Variants in CDKN2B-AS1 observed in about 807,000 individuals in gnomAD.
CDKN2B-AS1 encodes the protein CDKN2B antisense RNA 1 (non-protein coding).
chr9:22,094,846 T>C lies in CDKN2B-AS1; in HGVS notation n.439-32257T>C, dbSNP rs1038573274. ...TCATTCTCCATCCAGCTTTGTTCCA[T>C]TGCTGGTGAGGAGCTGCATTCCTTT... is the stretch of plus-strand genomic sequence containing the variant. On this transcript the variant is annotated intron_variant and non_coding_transcript_variant, in intron 4 of 4. Coordinates refer to ENST00000650946, the Ensembl canonical transcript of CDKN2B-AS1. Among the ~76,000 whole-genome samples the C allele has an allele frequency of 6.9e-5, 10 of 144,318 alleles. 1 individual carries two copies. Among genetic ancestry groups the C allele is most frequent in the Non-Finnish European group, 1.0e-4 (7 of 67,882 alleles). The allele number at this position is 144,318 out of a possible 152,430, so 94.7% of individuals were successfully genotyped here.
chr9:22,116,992 T>G (rs1257856386), intron 4 of CDKN2B-AS1, among the ~76,000 whole-genome samples: 1 of 152,160 alleles, frequency 6.6e-6, no homozygotes, highest in Non-Finnish European at 1.5e-5. Flanking sequence ...GAAGATCAAA[T>G]GGAAGCTGGG....
intron 4 of CDKN2B-AS1, among the ~76,000 whole-genome samples, chr9:22,091,131 T>A (rs559932391): frequency 4.6e-5 from 7 of 152,140 alleles, no homozygotes; most frequent in South Asian, 2.1e-4. Context: ...AAGATCAGAT[T>A]GTTGTAGATA....
In CDKN2B-AS1 at chr9:22,005,418, T is replaced by C. The variant is rs1025941833; in HGVS notation, n.29+10257T>C. 4.0e-6 allele frequency: 1 copy of C among 247,096 alleles called. No homozygotes were observed. The highest frequency in any genetic ancestry group is 7.9e-6 in the Non-Finnish European group (1 of 126,268). 15.3% of individuals were successfully genotyped at this position (247,096 alleles called of 1,614,324 possible). Reference sequence around the variant, plus strand: ...TGTCGTTTACGCATGTGACTTGCCATGCGCTCAAACTAAAGCGCCGCCGGG... The same window carrying C: ...TGTCGTTTACGCATGTGACTTGCCACGCGCTCAAACTAAAGCGCCGCCGGG... On this transcript the variant is annotated intron_variant and non_coding_transcript_variant, in intron 1 of 4. Coordinates refer to ENST00000650946, the Ensembl canonical transcript of CDKN2B-AS1. The surrounding 1 kb of genome is among the most constrained non-coding windows in gnomAD (Gnocchi z 4.9).
intron 4 of CDKN2B-AS1, among the ~76,000 whole-genome samples, chr9:22,116,303 A>G (rs572838939): frequency 6.6e-6 from 1 of 152,304 alleles, no homozygotes; most frequent in African/African-American, 2.4e-5. Flanking sequence ...GCCAGGGTTT[A>G]TTTCTTCAAC....
At chr9:22,061,702 G>A (rs915549017) in intron 4 of CDKN2B-AS1, among the ~76,000 whole-genome samples, 17 of 152,022 alleles carry the variant, frequency 1.1e-4, no homozygotes, top group African/African-American at 3.9e-4. Flanking sequence ...GTGTTTATTT[G>A]TCCCAGCCCT....
intron 4 of CDKN2B-AS1, chr9:22,113,583 A>G (rs1825859372): frequency 6.6e-6 from 1 of 152,148 alleles, no homozygotes; most frequent in Non-Finnish European, 1.5e-5. Flanking sequence ...GGACTCTAGT[A>G]TATATTTGCT....
At chr9:22,012,256 G>A in intron 1 of CDKN2B-AS1, 4 of 1,435,580 alleles carry the variant, frequency 2.8e-6, no homozygotes, top group Non-Finnish European at 2.9e-6. Context: ...AAGACAAGGA[G>A]GGTATCCCCC....
At chr9:22,060,858 A>G (rs1051210688) in intron 4 of CDKN2B-AS1, among the ~76,000 whole-genome samples, 2 of 152,136 alleles carry the variant, frequency 1.3e-5, no homozygotes, top group African/African-American at 4.8e-5. Flanking sequence ...AACCCATCAG[A>G]TCTCGTGAGA....
intron 1 of CDKN2B-AS1, among the ~76,000 whole-genome samples, chr9:22,011,065 G>A (rs182567702): frequency 6.6e-6 from 1 of 152,274 alleles, no homozygotes; most frequent in East Asian, 1.9e-4. Flanking sequence ...AACAACTTTG[G>A]GTAGGGAAAA....
Position 22,093,887 on chromosome 9 carries a change from T to C in CDKN2B-AS1, n.439-33216T>C, listed in dbSNP as rs1373019305. 1.4e-5 allele frequency among the ~76,000 whole-genome samples: 2 copies of C among 144,666 alleles called. 1 individual carries two copies. Among genetic ancestry groups the C allele is most frequent in the East Asian group, 3.9e-4 (2 of 5,112 alleles). 94.9% of individuals were successfully genotyped at this position (144,666 alleles called of 152,430 possible). ...GATGTTAGCTGGTTATTTTGCTCAT[T>C]AGTTGATGAAGTTTCTTCCTAGCCT... On this transcript the variant is annotated intron_variant and non_coding_transcript_variant, in intron 4 of 4. Transcript: ENST00000650946.
At chr9:22,106,282 C>T (rs1825656432) in intron 4 of CDKN2B-AS1, among the ~76,000 whole-genome samples, 1 of 152,106 alleles carries the variant, frequency 6.6e-6, no homozygotes, top group Non-Finnish European at 1.5e-5. Context: ...AGGGTTTCAG[C>T]ATGTTGGCCA....
At chr9:22,076,335 G>T (rs77779782) in intron 4 of CDKN2B-AS1, among the ~76,000 whole-genome samples, 13,206 of 152,000 alleles carry the variant, frequency 0.087, 1,579 homozygotes, top group African/African-American at 0.27. Flanking sequence ...TTACAGGTGT[G>T]AGCCACCACA....
intron 4 of CDKN2B-AS1, chr9:22,117,918 A>G (rs1275461824): frequency 6.6e-6 from 1 of 152,214 alleles, no homozygotes; most frequent in Non-Finnish European, 1.5e-5. Flanking sequence ...CCTGTGTGTG[A>G]TTTCATTAGT....
At chr9:22,102,253 C>T (rs1489058280) in intron 4 of CDKN2B-AS1, among the ~76,000 whole-genome samples, 1 of 152,104 alleles carries the variant, frequency 6.6e-6, no homozygotes, top group East Asian at 1.9e-4. Context: ...TTGAAACGAT[C>T]AGTTTTAGTA....
At chr9:22,079,506 TAA>T (rs74958544) in intron 4 of CDKN2B-AS1, among the ~76,000 whole-genome samples, 31 of 98,738 alleles carry the variant, frequency 3.1e-4, no homozygotes, top group Non-Finnish European at 4.1e-4. Flanking sequence ...AAACACCATC[TAA>T]AAAAAAAAAA....
chr9:22,107,902 T>G (rs1207875743), intron 4 of CDKN2B-AS1, among the ~76,000 whole-genome samples: 2 of 152,146 alleles, frequency 1.3e-5, no homozygotes, highest in African/African-American at 4.8e-5. Context: ...GCATTCTACA[T>G]CTCAGATAAA....
intron 1 of CDKN2B-AS1, among the ~76,000 whole-genome samples, chr9:22,016,018 G>A (rs1227274001): frequency 2.6e-5 from 4 of 152,112 alleles, no homozygotes; most frequent in East Asian, 1.9e-4. Flanking sequence ...TGAGTAGGTC[G>A]CGAAAATTTT....
In CDKN2B-AS1 at chr9:22,005,112, A is replaced by ATGTGTGTGTGTGTGTG. The variant is rs3028393; in HGVS notation, n.29+9966_29+9981dup. On this transcript the variant is annotated intron_variant and non_coding_transcript_variant, in intron 1 of 4. Transcript: ENST00000650946. This position sits in a 1 kb window ranked among gnomAD's most constrained non-coding sequence, Gnocchi z 4.9. ...CATAAGGGGATTTCCGCATCCTAGC[A>ATGTGTGTGTGTGTGTG]TGTGTGTGTGTGTGTGTGTGTGTGT... 3 of 225,374 alleles carry ATGTGTGTGTGTGTGTG rather than the reference A, an allele frequency of 1.3e-5. No individual in the cohort carries two copies. The East Asian group carries it at 1.9e-4, about 14-fold the overall frequency. The allele number at this position is 225,374 out of a possible 1,614,324, so 14.0% of individuals were successfully genotyped here. A position where few individuals can be genotyped will look rare whatever the true frequency, so the allele number is the denominator to read the frequency against.
chr9:22,061,694 G>T (rs938874819), intron 4 of CDKN2B-AS1, among the ~76,000 whole-genome samples: 1 of 152,050 alleles, frequency 6.6e-6, no homozygotes, highest in African/African-American at 2.4e-5. Flanking sequence ...AATTACTTGT[G>T]TTTATTTGTC....
Sources: allele counts gnomAD v4.1 joint callset (sites outside exome capture counted in the v4.1 genomes callset), GRCh38; gene constraint gnomAD v4.1.1; non-coding constraint Gnocchi (gnomAD v3.1); transcripts MANE v1.5; gene names NCBI Gene and HGNC (gene_info 2026-07-23, HGNC 2026-07-21).